Variants in SNRPN observed in about 807,000 individuals in gnomAD.
SNRPN encodes small nuclear ribonucleoprotein-associated protein N.
Under a neutral mutation model 25.2 loss-of-function variants are expected in SNRPN, and 7 were observed. The observed-to-expected ratio is 0.28, with a 90% CI of 0.16 to 0.52. The LOEUF (loss-of-function observed/expected upper bound fraction) is 0.52. SNRPN is among the 20% of genes least tolerant of loss of function. The pLI is 0.96. For synonymous variants in SNRPN, 124 were observed against 110.6 expected (o/e 1.12, Z -0.76); for missense variants, 196 against 322.5 (o/e 0.61, Z 3.00).
At chr15:24,975,542 A>G in intron 5 of SNRPN, 33 bp downstream of exon 5, 1 of 1,596,634 alleles carries the variant, frequency 6.3e-7, no homozygotes, top group Non-Finnish European at 8.6e-7. Flanking sequence ...GGGGTTGGAC[A>G]CAGAGGCAGT....
intron 2 of SNRPN, among the ~76,000 whole-genome samples, chr15:24,908,733 T>C (rs2059020721): frequency 6.6e-6 from 1 of 152,244 alleles, no homozygotes; most frequent in Admixed American, 6.5e-5. Flanking sequence ...TAAGCTCCCA[T>C]GCTAGGAGTG....
intron 2 of SNRPN, among the ~76,000 whole-genome samples, chr15:24,919,430 C>CAAA (rs59552412): frequency 6.1e-4 from 78 of 128,398 alleles, no homozygotes; most frequent in South Asian, 7.9e-4. Context: ...GACTCTGTCT[C>CAAA]AAAAAAAAAA....
At chr15:24,977,350 T>C (rs1483983081) in intron 7 of SNRPN, among the ~76,000 whole-genome samples, 2 of 152,088 alleles carry the variant, frequency 1.3e-5, no homozygotes, top group Non-Finnish European at 2.9e-5. Flanking sequence ...TTTTAAAATA[T>C]GGGAATAGGC....
chr15:24,862,287 G>A (rs79264231), intron 1 of SNRPN, among the ~76,000 whole-genome samples: 1,880 of 151,178 alleles, frequency 0.012, 99 homozygotes, highest in African/African-American at 0.028. Context: ...AAACTGTCCA[G>A]AAGAACAGAA....
In SNRPN at chr15:24,882,823, CAA is replaced by C. The variant is rs10543501; in HGVS notation, c.-578-3683_-578-3682del. Among the ~76,000 whole-genome samples, 16 of 127,164 alleles carry C rather than the reference CAA, an allele frequency of 1.3e-4. 3 individuals carry two copies. Among genetic ancestry groups the C allele is most frequent in the East Asian group, 2.3e-4 (1 of 4,318 alleles). 83.4% of individuals were successfully genotyped at this position (127,164 alleles called of 152,430 possible). On this transcript the variant is annotated intron_variant, in intron 1 of 11. Transcript: ENST00000400097. ...TGGGCGACAGAGCGAGACTCCATCT[CAA>C]AAAAAAAAATATATATATATATAGT...
At chr15:24,847,574 G>A (rs769303107) in intron 2 of SNRPN, among the ~76,000 whole-genome samples, 2 of 152,150 alleles carry the variant, frequency 1.3e-5, no homozygotes, top group Non-Finnish European at 2.9e-5. Flanking sequence ...AGGAGGTGGA[G>A]GTTGTAGTGA....
intron 3 of SNRPN, among the ~76,000 whole-genome samples, chr15:24,927,514 T>TGCCCAC (rs2060495010): frequency 9.1e-6 from 1 of 109,374 alleles, no homozygotes; most frequent in African/African-American, 3.3e-5. Flanking sequence ...TTTTTTTTTT[T>TGCCCAC]TTTTACTTTT....
intron 3 of SNRPN, among the ~76,000 whole-genome samples, chr15:24,949,164 G>A (rs1201708876): frequency 6.6e-6 from 1 of 151,774 alleles, no homozygotes; most frequent in East Asian, 1.9e-4. Flanking sequence ...TGGGATTGCA[G>A]GCACGTGCCA....
At chr15:24,874,967 T>A (rs1182927813) in intron 1 of SNRPN, among the ~76,000 whole-genome samples, 1 of 151,858 alleles carries the variant, frequency 6.6e-6, no homozygotes, top group African/African-American at 2.4e-5. Context: ...GCATTTATAG[T>A]AGTTGAAAGT....
chr15:24,978,570 C>T lies in SNRPN; in HGVS notation c.*126C>T. 1.1e-6 allele frequency: 1 copy of T among 881,112 alleles called. No individual in the cohort carries two copies. Among genetic ancestry groups the T allele is most frequent in the South Asian group, 1.4e-5 (1 of 73,458 alleles). 54.6% of individuals were successfully genotyped at this position (881,112 alleles called of 1,614,324 possible). ...AATAGCTAATAATAAATGCATAGAG[C>T]AATTAAACTGTGAGGTACTGTTGTA... is the stretch of plus-strand genomic sequence containing the variant. On this transcript the variant is annotated 3_prime_UTR_variant, in exon 10 of 10. Coordinates refer to ENST00000390687, the MANE Select transcript of SNRPN (RefSeq NM_003097.6).
chr15:24,937,841 T>A (rs559380155), intron 3 of SNRPN, among the ~76,000 whole-genome samples: 32 of 152,302 alleles, frequency 2.1e-4, no homozygotes, highest in Non-Finnish European at 4.7e-4. Context: ...TTAGTCTGGA[T>A]ATCTCGTATA....
At chr15:24,935,210 T>A (rs1747644174) in intron 3 of SNRPN, among the ~76,000 whole-genome samples, 1 of 151,570 alleles carries the variant, frequency 6.6e-6, no homozygotes, top group African/African-American at 2.4e-5. Context: ...AGGTTGAGGT[T>A]GCAGTGAGCC....
intron 1 of SNRPN, among the ~76,000 whole-genome samples, chr15:24,870,867 T>G (rs7402918): frequency 2.8e-5 from 4 of 142,792 alleles, no homozygotes; most frequent in East Asian, 2.0e-4. Flanking sequence ...TTTTTTTTTT[T>G]GGTTTTTTGT....
chr15:24,937,641 T>G (rs927054796), intron 3 of SNRPN, among the ~76,000 whole-genome samples: 3 of 152,192 alleles, frequency 2.0e-5, no homozygotes, highest in Non-Finnish European at 4.4e-5. Context: ...TTACATAAAA[T>G]TTTCATCTTA....
chr15:24,937,255 C>A (rs943386969), intron 3 of SNRPN, among the ~76,000 whole-genome samples: 2 of 151,704 alleles, frequency 1.3e-5, no homozygotes, highest in African/African-American at 4.8e-5. Flanking sequence ...AACAAACAAA[C>A]AAAAAAATCA....
chr15:24,963,250 G>T (rs1469742873), intron 2 of SNRPN, among the ~76,000 whole-genome samples: 1 of 152,092 alleles, frequency 6.6e-6, no homozygotes, highest in Admixed American at 6.6e-5. Context: ...TATTGTAATC[G>T]TTAGCTTGCT....
At chr15:24,861,395 A>G (rs563283541) in intron 1 of SNRPN, among the ~76,000 whole-genome samples, 4 of 152,332 alleles carry the variant, frequency 2.6e-5, no homozygotes, top group African/African-American at 7.2e-5. Context: ...CTAAACATAG[A>G]AAACATAAAA....
chr15:24,865,760 A>C (rs1233872449), intron 1 of SNRPN, among the ~76,000 whole-genome samples: 1 of 152,144 alleles, frequency 6.6e-6, no homozygotes, highest in East Asian at 1.9e-4. Context: ...AGAAGAGTTC[A>C]TTCCTTCATT....
intron 1 of SNRPN, among the ~76,000 whole-genome samples, chr15:24,865,774 A>G (rs1190081772): frequency 1.3e-5 from 2 of 152,022 alleles, no homozygotes; most frequent in Non-Finnish European, 2.9e-5. Context: ...CTTCATTCTT[A>G]TGATCTCTAT....
Sources: allele counts gnomAD v4.1 joint callset (sites outside exome capture counted in the v4.1 genomes callset), GRCh38; gene constraint gnomAD v4.1.1; transcripts MANE v1.5; gene names NCBI Gene and HGNC (gene_info 2026-07-23, HGNC 2026-07-21).